Variants in LRCH1 observed in about 807,000 individuals in gnomAD.
The protein encoded by LRCH1 is leucine rich repeats and calponin homology domain containing 1.
A neutral mutation model predicts 94.9 loss-of-function variants in LRCH1; 23 were observed. The ratio of observed to expected loss-of-function variants is 0.24; its 90% CI spans 0.17 to 0.34. LRCH1 has a LOEUF of 0.34. Ranked by LOEUF, LRCH1 falls within the 10% of genes least tolerant of loss-of-function variation. The probability of loss-of-function intolerance (pLI) is 1.00; values close to 1 mark genes in which losing one functional copy is unlikely to be tolerated. For missense variants in LRCH1, 790 were observed against 945.9 expected (o/e 0.84, Z 2.16); for synonymous variants, 364 against 354.9 (o/e 1.03, Z -0.29).
chr13:46,567,264 A>G (rs977331578), intron 1 of LRCH1, among the ~76,000 whole-genome samples: 1 of 152,184 alleles, frequency 6.6e-6, no homozygotes, highest in Non-Finnish European at 1.5e-5. Context: ...ACATATAAAA[A>G]TATGTTTTAT....
intron 3 of LRCH1, among the ~76,000 whole-genome samples, chr13:46,673,423 C>T (rs749751504): frequency 3.2e-4 from 48 of 152,198 alleles, no homozygotes; most frequent in Non-Finnish European, 5.4e-4. Flanking sequence ...TCCATCCATT[C>T]TCACTTATCT....
At chr13:46,593,944 A>C (rs1410111050) in intron 1 of LRCH1, among the ~76,000 whole-genome samples, 1 of 152,114 alleles carries the variant, frequency 6.6e-6, no homozygotes, top group East Asian at 1.9e-4. Context: ...CCTCTATAAA[A>C]CTAATTTTAA....
chr13:46,697,239 G>A (rs1433788561), intron 9 of LRCH1, among the ~76,000 whole-genome samples: 1 of 152,130 alleles, frequency 6.6e-6, no homozygotes, highest in African/African-American at 2.4e-5. Context: ...GAAATAGAGG[G>A]CTGGGTTCCT....
intron 1 of LRCH1, among the ~76,000 whole-genome samples, chr13:46,578,135 G>A (rs746427088): frequency 4.7e-4 from 71 of 152,330 alleles, no homozygotes; most frequent in Non-Finnish European, 9.0e-4. Context: ...TGCATTAGGT[G>A]TGGAAAGGAA....
At chr13:46,555,653 G>C (rs937165234) in intron 1 of LRCH1, among the ~76,000 whole-genome samples, 1 of 152,196 alleles carries the variant, frequency 6.6e-6, no homozygotes, top group Non-Finnish European at 1.5e-5. Context: ...AAATTCAGAG[G>C]CTTTATGTTA....
chr13:46,650,507 T>A (rs2051278843), intron 2 of LRCH1, among the ~76,000 whole-genome samples, 162 bp downstream of exon 2: 1 of 152,144 alleles, frequency 6.6e-6, no homozygotes. Context: ...AAATTTGTAA[T>A]GTTGTTAATA....
chr13:46,706,068 G>A (rs752039139), intron 13 of LRCH1, among the ~76,000 whole-genome samples: 16 of 152,172 alleles, frequency 1.1e-4, no homozygotes, highest in Admixed American at 1.3e-4. Flanking sequence ...ATAGTAAAGC[G>A]GTTTCACGCT....
chr13:46,588,596 CTTTT>C (rs139602811), intron 1 of LRCH1, among the ~76,000 whole-genome samples: 179 of 100,110 alleles, frequency 1.8e-3, no homozygotes, highest in East Asian at 2.7e-3. Context: ...CTCTCTCTGT[CTTTT>C]TTTTTTTTTT....
At chr13:46,583,188 C>T (rs548555862) in intron 1 of LRCH1, among the ~76,000 whole-genome samples, 3 of 152,268 alleles carry the variant, frequency 2.0e-5, no homozygotes, top group South Asian at 2.1e-4. Flanking sequence ...CAAAACAAGT[C>T]GATTCTAGCT....
chr13:46,729,233 C>A (rs1872981533), intron 18 of LRCH1, among the ~76,000 whole-genome samples: 1 of 151,886 alleles, frequency 6.6e-6, no homozygotes, highest in South Asian at 2.1e-4. Context: ...CAATATCAAG[C>A]AGATCACTTT....
intron 9 of LRCH1, among the ~76,000 whole-genome samples, chr13:46,696,538 A>C (rs1040574330): frequency 6.6e-6 from 1 of 152,220 alleles, no homozygotes; most frequent in Non-Finnish European, 1.5e-5. Flanking sequence ...CTGGATTCAG[A>C]GATTTCAAGG....
At chr13:46,713,750 GT>G (rs1300693649) in intron 15 of LRCH1, among the ~76,000 whole-genome samples, 1 of 152,228 alleles carries the variant, frequency 6.6e-6, no homozygotes, top group Non-Finnish European at 1.5e-5. Context: ...CCTTGGCTGG[GT>G]TTTCCTTTCC....
chr13:46,750,554 C>T (rs1874082866), exon 19 of LRCH1: 2 of 1,550,468 alleles, frequency 1.3e-6, no homozygotes, highest in South Asian at 2.4e-5. Flanking sequence ...AGCTATGTCT[C>T]CCCCACCACA....
At chr13:46,632,470 A>G (rs1337253520) in intron 1 of LRCH1, among the ~76,000 whole-genome samples, 1 of 152,220 alleles carries the variant, frequency 6.6e-6, no homozygotes, top group Non-Finnish European at 1.5e-5. Context: ...CATCATTTTT[A>G]TGTCCACTTT....
chr13:46,621,436 A>G, intron 1 of LRCH1, among the ~76,000 whole-genome samples: 1 of 152,172 alleles, frequency 6.6e-6, no homozygotes, highest in East Asian at 1.9e-4. Context: ...TCAAGTTGAG[A>G]TCTTAGTCTG....
At chr13:46,638,510 A>G (rs994815370) in intron 1 of LRCH1, among the ~76,000 whole-genome samples, 2 of 152,234 alleles carry the variant, frequency 1.3e-5, no homozygotes, top group African/African-American at 2.4e-5. Flanking sequence ...TGCTGCCTTC[A>G]TTCTACTTTA....
At position 46,612,570 on chromosome 13, in the gene LRCH1, C is replaced by T. The variant is rs17068457; in HGVS notation, c.308-37631C>T. Among the ~76,000 whole-genome samples the T allele has an allele frequency of 4.7e-3, 711 of 152,260 alleles. 9 individuals are homozygous for T. The highest frequency in any genetic ancestry group is 0.016 in the African/African-American group (666 of 41,534). ...AGGCTCATATGTCTCAATTTTGAAG[C>T]ACCCCTCTTGGAATGAGGTCAGTTA... On this transcript the variant is annotated intron_variant, in intron 1 of 19. Coordinates refer to ENST00000389797, the MANE Select transcript of LRCH1 (RefSeq NM_001164211.2).
chr13:46,672,873 A>G (rs2051619901), intron 3 of LRCH1, among the ~76,000 whole-genome samples: 1 of 152,246 alleles, frequency 6.6e-6, no homozygotes, highest in Non-Finnish European at 1.5e-5. Flanking sequence ...CCCGAGGCAG[A>G]AAGCCAGTGC....
chr13:46,749,118 A>G (rs139663270), downstream of LRCH1, among the ~76,000 whole-genome samples: 1,068 of 152,334 alleles, frequency 7.0e-3, 49 homozygotes, highest in Admixed American at 0.066. Context: ...GAGCACACCA[A>G]TTGGCTTCCT....
Sources: gnomAD v4.1 joint callset for allele counts (sites outside exome capture counted in the v4.1 genomes callset) on GRCh38, gnomAD v4.1.1 for gene constraint, MANE v1.5 for transcripts, NCBI Gene and HGNC (gene_info 2026-07-23, HGNC 2026-07-21) for gene names.